Variants in CDH19 observed in about 807,000 individuals in gnomAD.
CDH19 encodes the protein cadherin-19.
In CDH19, 67 loss-of-function variants were observed where a neutral mutation model predicts 64.2. The ratio of observed to expected loss-of-function variants is 1.04; its 90% CI spans 0.86 to 1.28. CDH19 has a LOEUF of 1.28. CDH19 is among the 50% of genes most tolerant of loss of function. The probability of loss-of-function intolerance (pLI) is 0.00; values close to 1 mark genes in which losing one functional copy is unlikely to be tolerated. For synonymous variants in CDH19, 346 were observed against 319.3 expected (o/e 1.08, Z -0.89); for missense variants, 1,030 against 929.0 (o/e 1.11, Z -1.41).
chr18:66,554,267 A>T, intron 4 of CDH19, 138 bp downstream of exon 4: 1 of 746,590 alleles, frequency 1.3e-6, no homozygotes, highest in Non-Finnish European at 2.1e-6. Context: ...AAAAGTAATT[A>T]AATGCTTAGG....
Position 66,535,077 on chromosome 18 carries a change from A to G in CDH19, c.1245T>C (p.Asn415=), listed in dbSNP as rs761037430. Residue 415 remains asparagine (N), a synonymous_variant, in exon 8 of 12, where the codon AAT becomes AAC. Transcript: ENST00000262150. The part of the protein sequence containing the change: ...RYSITRSKVF[N]INDNGTITTS... ...TAGTGATTGTACCATTATCATTGAT[A>G]TTGAACACTTTGCTCCTAGTAATAG... 12 of 1,499,980 alleles carry G rather than the reference A, an allele frequency of 8.0e-6. No homozygotes were observed. In the East Asian group the frequency reaches 2.4e-4, roughly 29 times the overall value. 92.9% of individuals were successfully genotyped at this position (1,499,980 alleles called of 1,614,324 possible).
rs530400133 is a variant in CDH19, at chr18:66,571,716, C to T, written c.195+294G>A. Among the ~76,000 whole-genome samples, 9 of 151,722 alleles carry T rather than the reference C, an allele frequency of 5.9e-5. No individual in the cohort carries two copies. The South Asian group carries it at 1.9e-3, about 31-fold the overall frequency. On this transcript the variant is annotated intron_variant, in intron 2 of 11. Transcript: ENST00000262150. ...GTAAATGATATTTGTCTCACTGTGA[C>T]TGCTTAGATTCATTACCAAAAATAA... is the stretch of plus-strand genomic sequence containing the variant.
chr18:66,588,097 C>A (rs1988628943), intron 1 of CDH19, among the ~76,000 whole-genome samples: 1 of 152,118 alleles, frequency 6.6e-6, no homozygotes, highest in Non-Finnish European at 1.5e-5. Flanking sequence ...ACATTCCCCC[C>A]ATGTCTGCAT....
intron 7 of CDH19, among the ~76,000 whole-genome samples, chr18:66,543,122 T>C (rs891872070): frequency 6.6e-6 from 1 of 152,042 alleles, no homozygotes; most frequent in African/African-American, 2.4e-5. Context: ...GCCTCCTGGG[T>C]TCACGCCATT....
At chr18:66,565,764 C>A (rs1987885791) in intron 3 of CDH19, among the ~76,000 whole-genome samples, 1 of 151,964 alleles carries the variant, frequency 6.6e-6, no homozygotes, top group Admixed American at 6.6e-5. Context: ...TAGAAATATT[C>A]CCCTATTTCC....
At chr18:66,581,544 G>T (rs974367534) in intron 1 of CDH19, among the ~76,000 whole-genome samples, 3 of 152,096 alleles carry the variant, frequency 2.0e-5, no homozygotes, top group African/African-American at 7.2e-5. Flanking sequence ...CTAGAACAAA[G>T]CAGGTGGAAG....
At chr18:66,588,335 G>A (rs893640195) in intron 1 of CDH19, among the ~76,000 whole-genome samples, 7 of 151,882 alleles carry the variant, frequency 4.6e-5, no homozygotes, top group Non-Finnish European at 8.8e-5. Flanking sequence ...GAAAATAAAC[G>A]AATACAAATT....
chr18:66,577,559 C>T lies in CDH19; in HGVS notation c.-112-5243G>A, dbSNP rs566487030. ...ATCCATACTTTACCGTGCATGAGGT[C>T]ACAAAAAGTGAATACAAATTTAGAT... On this transcript the variant is annotated intron_variant, in intron 1 of 11. Transcript: ENST00000262150. Among the ~76,000 whole-genome samples the T allele has an allele frequency of 3.0e-4, 45 of 152,012 alleles. No homozygotes were observed. In the South Asian group the frequency reaches 9.3e-3, roughly 31 times the overall value.
At chr18:66,533,645 G>T (rs189003737) in intron 8 of CDH19, among the ~76,000 whole-genome samples, 1 of 151,870 alleles carries the variant, frequency 6.6e-6, no homozygotes, top group African/African-American at 2.4e-5. Flanking sequence ...TATTCACTTA[G>T]CTAGCATACT....
chr18:66,512,455 C>T (rs2156353), intron 9 of CDH19, among the ~76,000 whole-genome samples: 145,909 of 151,494 alleles, frequency 0.96, 70,498 homozygotes, highest in East Asian at 1. Flanking sequence ...GTTATTGTTT[C>T]GAATTTTCTA....
chr18:66,571,825 C>T (rs1157284478), intron 2 of CDH19, among the ~76,000 whole-genome samples, 185 bp downstream of exon 2: 3 of 151,540 alleles, frequency 2.0e-5, no homozygotes, highest in Admixed American at 1.3e-4. Context: ...CAGAGCTATC[C>T]CTCTTCAAGA....
intron 1 of CDH19, among the ~76,000 whole-genome samples, chr18:66,597,081 C>CAAAAAAAAA (rs35253366): frequency 1.5e-4 from 4 of 26,330 alleles, no homozygotes; most frequent in African/African-American, 1.3e-4. Flanking sequence ...GACTCCATCT[C>CAAAAAAAAA]AAAAAAAAAA....
intron 5 of CDH19, among the ~76,000 whole-genome samples, chr18:66,546,219 T>C (rs1238338876): frequency 1.3e-5 from 2 of 152,160 alleles, no homozygotes; most frequent in Admixed American, 6.5e-5. Flanking sequence ...TTTGAGACCT[T>C]ACTTTTTAAG....
At chr18:66,583,708 CACACCT>C (rs1988490871) in intron 1 of CDH19, among the ~76,000 whole-genome samples, 1 of 151,992 alleles carries the variant, frequency 6.6e-6, no homozygotes, top group South Asian at 2.1e-4. Context: ...AGTAAGACTG[CACACCT>C]ACAATCATCT....
At chr18:66,579,243 GTTATGATATGACCT>G (rs1483320924) in intron 1 of CDH19, among the ~76,000 whole-genome samples, 1 of 151,942 alleles carries the variant, frequency 6.6e-6, no homozygotes, top group Non-Finnish European at 1.5e-5. Flanking sequence ...TTTCTGATGT[GTTATGATATGACCT>G]TTATAAAGAA....
chr18:66,568,012 T>C (rs1987970113), intron 3 of CDH19, among the ~76,000 whole-genome samples: 1 of 151,828 alleles, frequency 6.6e-6, no homozygotes, highest in Non-Finnish European at 1.5e-5. Context: ...ATGTATACAA[T>C]AGAGTCTAAT....
At chr18:66,597,631 A>G (rs1988935295) in intron 1 of CDH19, among the ~76,000 whole-genome samples, 1 of 152,214 alleles carries the variant, frequency 6.6e-6, no homozygotes, top group South Asian at 2.1e-4. Context: ...GCTTCTGCAC[A>G]GCAAAAGAAA....
At chr18:66,532,297 T>C (rs1161090120) in intron 8 of CDH19, 1 of 151,986 alleles carries the variant, frequency 6.6e-6, no homozygotes, top group African/African-American at 2.4e-5. Flanking sequence ...AAGAAAGCTA[T>C]AGGAAAGGTG....
intron 4 of CDH19, among the ~76,000 whole-genome samples, chr18:66,553,342 G>A (rs1421662450): frequency 7.5e-6 from 1 of 133,384 alleles, no homozygotes; most frequent in Non-Finnish European, 1.5e-5. Flanking sequence ...ATGTTTTGAG[G>A]CATTCATTGC....
Sources: allele counts gnomAD v4.1 joint callset (sites outside exome capture counted in the v4.1 genomes callset), GRCh38; gene constraint gnomAD v4.1.1; transcripts MANE v1.5; gene names NCBI Gene and HGNC (gene_info 2026-07-23, HGNC 2026-07-21).